Variants in L3MBTL4 observed in about 807,000 individuals in gnomAD.
L3MBTL4 encodes the protein lethal(3)malignant brain tumor-like protein 4.
L3MBTL4 carries 70 observed loss-of-function variants against 84.5 expected under a neutral mutation model. The ratio of observed to expected loss-of-function variants is 0.83; its 90% CI spans 0.68 to 1.01. L3MBTL4 has a LOEUF of 1.01. Among genes scored for constraint, L3MBTL4 ranks in the 50% least tolerant of loss-of-function variants. The probability of loss-of-function intolerance (pLI) is 0.00; values close to 1 mark genes in which losing one functional copy is unlikely to be tolerated. For synonymous variants in L3MBTL4, 274 were observed against 259.8 expected (o/e 1.05, Z -0.52); for missense variants, 715 against 754.8 (o/e 0.95, Z 0.62).
rs57712477 is a variant in L3MBTL4 at position 6,136,608 on chromosome 18, G to A, written c.1199+1586C>T. Among the ~76,000 whole-genome samples, 1,167 of 152,192 alleles carry A rather than the reference G, an allele frequency of 7.7e-3. 18 individuals carry two copies. The highest frequency in any genetic ancestry group is 0.027 in the African/African-American group (1,112 of 41,506). On this transcript the variant is annotated intron_variant, in intron 14 of 18. Transcript: ENST00000317931. The stretch of plus-strand genomic sequence containing the variant: ...CTCTGATTGGTTGCTTTCCACAACC[G>A]ATCAGACTGACTGTGGCCCACTACT...
intron 17 of L3MBTL4, among the ~76,000 whole-genome samples, chr18:5,963,447 C>T (rs1167033897): frequency 1.3e-5 from 2 of 152,200 alleles, no homozygotes; most frequent in Non-Finnish European, 2.9e-5. Context: ...CGGCCCTGCC[C>T]CGTGGTGGCC....
At chr18:6,044,338 A>G (rs2056526260) in intron 16 of L3MBTL4, among the ~76,000 whole-genome samples, 1 of 152,210 alleles carries the variant, frequency 6.6e-6, no homozygotes, top group Non-Finnish European at 1.5e-5. Context: ...GAAAATACAC[A>G]TCTTTCATTT....
intron 4 of L3MBTL4, among the ~76,000 whole-genome samples, chr18:6,270,982 A>T (rs11873568): frequency 0.047 from 7,207 of 152,236 alleles, 578 homozygotes; most frequent in African/African-American, 0.16. Flanking sequence ...CAAACAAGTG[A>T]CAGTGTGGGT....
chr18:5,967,592 T>G (rs543198485), intron 17 of L3MBTL4, among the ~76,000 whole-genome samples: 1 of 152,332 alleles, frequency 6.6e-6, no homozygotes, highest in East Asian at 1.9e-4. Context: ...ATTTACCAGG[T>G]GCCTATTAAG....
At chr18:6,293,393 A>G (rs912792000) in intron 4 of L3MBTL4, among the ~76,000 whole-genome samples, 6 of 152,148 alleles carry the variant, frequency 3.9e-5, no homozygotes, top group Non-Finnish European at 8.8e-5. Flanking sequence ...AATAGAAACA[A>G]TCAAAAGGAC....
chr18:6,328,752 G>A (rs948616205), intron 1 of L3MBTL4, among the ~76,000 whole-genome samples: 3 of 152,124 alleles, frequency 2.0e-5, no homozygotes, highest in Non-Finnish European at 2.9e-5. Flanking sequence ...GGTGACAGGC[G>A]AGAAGTCAGA....
At chr18:6,401,753 T>C (rs1346385507) in intron 1 of L3MBTL4, among the ~76,000 whole-genome samples, 1 of 152,178 alleles carries the variant, frequency 6.6e-6, no homozygotes, top group African/African-American at 2.4e-5. Context: ...CCACATACTG[T>C]GTGGTGACAC....
rs149557274 is a variant in L3MBTL4, at chr18:6,012,082, C to T, written c.1445-42520G>A. ...CTTAAACCTGCGGGCTGCTGGACTA[C>T]GAAGATGGGAGGAGAGACATTTCAG... On this transcript the variant is annotated intron_variant, in intron 16 of 18. Coordinates refer to ENST00000317931, the MANE Select transcript of L3MBTL4 (RefSeq NM_001330559.2). Among the ~76,000 whole-genome samples, 135 of 152,218 alleles carry T rather than the reference C, an allele frequency of 8.9e-4. No homozygotes were observed. In the East Asian group the frequency reaches 0.021, roughly 24 times the overall value.
intron 13 of L3MBTL4, among the ~76,000 whole-genome samples, chr18:6,154,928 A>G (rs1474834655): frequency 6.6e-6 from 1 of 152,222 alleles, no homozygotes; most frequent in Non-Finnish European, 1.5e-5. Flanking sequence ...CATGAAAAGA[A>G]TAACGATGAC....
At chr18:6,270,519 A>C (rs2048821207) in intron 4 of L3MBTL4, among the ~76,000 whole-genome samples, 1 of 152,220 alleles carries the variant, frequency 6.6e-6, no homozygotes, top group Non-Finnish European at 1.5e-5. Flanking sequence ...GCTAATATGC[A>C]CAGTTAAGAA....
intron 4 of L3MBTL4, among the ~76,000 whole-genome samples, chr18:6,294,714 C>CAA (rs139320981): frequency 4.0e-5 from 6 of 151,610 alleles, no homozygotes; most frequent in African/African-American, 1.5e-4. Flanking sequence ...CTCAATCAAT[C>CAA]AAAACAAAAC....
At chr18:6,295,307 CA>C (rs2050043945) in intron 4 of L3MBTL4, among the ~76,000 whole-genome samples, 1 of 89,508 alleles carries the variant, frequency 1.1e-5, no homozygotes, top group Non-Finnish European at 2.2e-5. Context: ...ACAACAACAA[CA>C]ACTCTCTCTC....
intron 1 of L3MBTL4, among the ~76,000 whole-genome samples, chr18:6,371,648 G>A (rs1057103698): frequency 6.6e-6 from 1 of 152,172 alleles, no homozygotes; most frequent in African/African-American, 2.4e-5. Flanking sequence ...GTTAAGGCAG[G>A]GCACTGGTGC....
At chr18:5,966,206 A>C (rs1332778253) in intron 17 of L3MBTL4, among the ~76,000 whole-genome samples, 2 of 152,152 alleles carry the variant, frequency 1.3e-5, no homozygotes, top group South Asian at 4.1e-4. Flanking sequence ...CTGTCCAATC[A>C]TAGCTCCCAT....
chr18:6,194,724 T>C (rs989414974), intron 12 of L3MBTL4, among the ~76,000 whole-genome samples: 4 of 152,122 alleles, frequency 2.6e-5, no homozygotes, highest in Admixed American at 6.5e-5. Context: ...CCTTCCTCAC[T>C]GGAGTACAGA....
At chr18:6,296,913 C>T (rs368277954) in intron 4 of L3MBTL4, among the ~76,000 whole-genome samples, 52 of 152,202 alleles carry the variant, frequency 3.4e-4, no homozygotes, top group African/African-American at 1.2e-3. Flanking sequence ...CTCCAGGACT[C>T]TAGTTTGACT....
chr18:6,308,914 G>A (rs971627997), intron 3 of L3MBTL4, among the ~76,000 whole-genome samples: 12 of 151,366 alleles, frequency 7.9e-5, no homozygotes, highest in African/African-American at 1.7e-4. Flanking sequence ...ATATGCCTAC[G>A]TTCTGAAAAG....
intron 15 of L3MBTL4, among the ~76,000 whole-genome samples, chr18:6,089,112 A>C (rs541229668): frequency 1.2e-4 from 18 of 152,166 alleles, no homozygotes; most frequent in Non-Finnish European, 2.5e-4. Flanking sequence ...GGCAGGTAAA[A>C]AAATGCCTGA....
At chr18:6,182,554 T>A (rs2044525288) in intron 12 of L3MBTL4, among the ~76,000 whole-genome samples, 1 of 152,228 alleles carries the variant, frequency 6.6e-6, no homozygotes, top group Admixed American at 6.5e-5. Context: ...TTAGGTCCAA[T>A]TTGTCAATTT....
Sources: allele counts gnomAD v4.1 joint callset (sites outside exome capture counted in the v4.1 genomes callset), GRCh38; gene constraint gnomAD v4.1.1; transcripts MANE v1.5; gene names NCBI Gene and HGNC (gene_info 2026-07-23, HGNC 2026-07-21).